LAMA1: variants seen among roughly 807,000 people sequenced by gnomAD.
The protein encoded by LAMA1 is laminin subunit alpha-1.
A neutral mutation model predicts 348.7 loss-of-function variants in LAMA1; 219 were observed. The ratio of observed to expected loss-of-function variants is 0.63; its 90% CI spans 0.56 to 0.70. The LOEUF is 0.70. LAMA1 is among the 30% of genes least tolerant of loss of function. LAMA1 has a pLI of 0.00. For synonymous variants in LAMA1, 1,487 were observed against 1,491.0 expected (o/e 1.00, Z 0.06); for missense variants, 3,744 against 3,888.0 (o/e 0.96, Z 0.99).
In LAMA1 at chr18:6,955,325, C is replaced by T. The variant is rs370388754; in HGVS notation, c.8207+28G>A. ...CCCCATACATCTAGCAATGAGACGC[C>T]GCATAAGGATGTTAGAATGATACCT... is the stretch of plus-strand genomic sequence containing the variant. On this transcript the variant is annotated intron_variant, in intron 57 of 62. Transcript: ENST00000389658. The T allele has an allele frequency of 1.6e-5, 25 of 1,545,892 alleles. No homozygotes were observed. In the African/African-American group the frequency reaches 1.9e-4, roughly 12 times the overall value.
intron 34 of LAMA1, 88 bp downstream of exon 34, chr18:6,995,269 A>G (rs2057776078): frequency 4.6e-6 from 4 of 865,566 alleles, no homozygotes; most frequent in Admixed American, 1.7e-5. Context: ...ATCTAATCAG[A>G]ACCTTCCAGA....
At chr18:6,956,535 T>C in intron 56 of LAMA1, 101 bp downstream of exon 56, 2 of 1,566,348 alleles carry the variant, frequency 1.3e-6, no homozygotes, top group Non-Finnish European at 1.7e-6. Context: ...AGCTCCAGCT[T>C]TCGCAGGCAC....
At position 7,015,830 on chromosome 18, in the gene LAMA1, G is replaced by A; in HGVS notation, c.3018C>T (p.Thr1006=). Residue 1006 remains threonine, a synonymous_variant, in exon 22 of 63, where the codon ACC becomes ACT. Coordinates refer to ENST00000389658, the MANE Select transcript of LAMA1 (RefSeq NM_005559.4). Reference sequence around the variant, plus strand: ...CACACTCTCCAGTTTCTGGGTCGCAGGTATTCTGAGTGTGTGGGCAGTCAC... The same window carrying A: ...CACACTCTCCAGTTTCTGGGTCGCAAGTATTCTGAGTGTGTGGGCAGTCAC... The part of the protein sequence containing the change: ...TPCDCPHTQN[T]CDPETGECVC... 1 of 1,614,162 alleles carries A rather than the reference G, an allele frequency of 6.2e-7. No individual in the cohort carries two copies. Among genetic ancestry groups the A allele is most frequent in the Non-Finnish European group, 8.5e-7 (1 of 1,180,024 alleles).
chr18:7,012,068 A>G lies in LAMA1; in HGVS notation c.3434T>C (p.Leu1145Pro), dbSNP rs371362853. ...GTFALRADNP[L>P]GCSPCFCSGL... ...GGAGCAGAAGCACGGGCTGCAGCCC[A>G]GGGGGTTGTCTGCGCGGAGAGCGAA... Residue 1145 changes from leucine to proline, a missense_variant, in exon 24 of 63, where the codon CTG becomes CCG. By Grantham distance (98) the Leu-to-Pro change is moderately conservative. Coordinates refer to ENST00000389658, the MANE Select transcript of LAMA1 (RefSeq NM_005559.4). 5 of 1,612,988 alleles carry G rather than the reference A, an allele frequency of 3.1e-6. No individual in the cohort carries two copies. The highest frequency in any genetic ancestry group is 1.3e-5 in the African/African-American group (1 of 74,920).
At position 7,098,896 on chromosome 18, in the gene LAMA1, G is replaced by A. The variant is rs1317859003; in HGVS notation, c.62-18439C>T. Among the ~76,000 whole-genome samples the A allele has an allele frequency of 7.0e-5, 10 of 142,516 alleles. No individual in the cohort carries two copies. The East Asian group carries it at 8.8e-4, about 12-fold the overall frequency. 93.5% of individuals were successfully genotyped at this position (142,516 alleles called of 152,430 possible). A position where few individuals can be genotyped will look rare whatever the true frequency, so the allele number is the denominator to read the frequency against. On this transcript the variant is annotated intron_variant, in intron 1 of 62. Transcript: ENST00000389658. Reference sequence around the variant, plus strand: ...CCGCCCCGTCCGGGAGGTGAGGGGCGCCTCTGCCCGGCCGCCCCTACTGGG... The same window carrying A: ...CCGCCCCGTCCGGGAGGTGAGGGGCACCTCTGCCCGGCCGCCCCTACTGGG...
chr18:7,040,781 T>TA (rs1458763982), intron 9 of LAMA1, among the ~76,000 whole-genome samples: 5 of 152,206 alleles, frequency 3.3e-5, no homozygotes, highest in Admixed American at 2.6e-4. Context: ...TGAAACATGG[T>TA]ATGTCCATAC....
At chr18:6,951,400 C>T (rs1221672121) in intron 57 of LAMA1, among the ~76,000 whole-genome samples, 1 of 152,170 alleles carries the variant, frequency 6.6e-6, no homozygotes, top group African/African-American at 2.4e-5. Context: ...AGGAAGCCCA[C>T]CTGAGGCCGT....
At chr18:7,041,516 G>A (rs1228226188) in intron 9 of LAMA1, among the ~76,000 whole-genome samples, 1 of 152,176 alleles carries the variant, frequency 6.6e-6, no homozygotes, top group Non-Finnish European at 1.5e-5. Context: ...GCCAGTGGCT[G>A]AGAACTTGAT....
At chr18:7,088,157 C>CCTCAG (rs1431660815) in intron 1 of LAMA1, among the ~76,000 whole-genome samples, 1 of 152,186 alleles carries the variant, frequency 6.6e-6, no homozygotes, top group Non-Finnish European at 1.5e-5. Context: ...GAAAGGCTGA[C>CCTCAG]CTCAGCTCAG....
chr18:6,959,422 A>G lies in LAMA1; in HGVS notation c.7697T>C (p.Leu2566Pro), dbSNP rs1040212332. The G allele has an allele frequency of 6.2e-7, 1 of 1,614,214 alleles. No individual in the cohort carries two copies. The change falls in exon 54 of 63, where the codon CTG becomes CCG. Residue 2566 changes from leucine (L) to proline (P), a missense_variant. Physicochemically the swap from Leu to Pro is moderately conservative, Grantham distance 98. Transcript: ENST00000389658. ...VHVNPGDGTG[L>P]RKALLHAPTG... ...GGGAGCGTGCAGGAGAGCTTTTCTC[A>G]GGCCTGTCCCATCCCCAGGATTGAC... is the stretch of plus-strand genomic sequence containing the variant.
chr18:7,026,070 G>A lies in LAMA1; in HGVS notation c.2311C>T (p.Gln771Ter), dbSNP rs1366762847. The A allele has an allele frequency of 1.2e-6, 2 of 1,611,372 alleles. No individual in the cohort carries two copies. Among genetic ancestry groups the A allele is most frequent in the Non-Finnish European group, 1.7e-6 (2 of 1,178,628 alleles). ...AHNTTGVHCE[Q>*]CLPGFYGEPS... ...TCCCCGTAGAAGCCGGGCAAGCACT[G>A]CTCACAGTGGACGCCGGTGGTGTTG... is the stretch of plus-strand genomic sequence containing the variant. Residue 771 changes from glutamine (Q) to a stop codon, truncating the protein, a stop_gained, in exon 17 of 63, where the codon CAG (glutamine) becomes TAG (stop). Transcript: ENST00000389658. LOFTEE classifies it high-confidence loss of function.
chr18:7,032,572 G>C (rs1264239186), intron 15 of LAMA1, among the ~76,000 whole-genome samples: 5 of 152,244 alleles, frequency 3.3e-5, no homozygotes, highest in Admixed American at 6.5e-5. Context: ...ATGTAAGGTG[G>C]AGCCCACCAA....
At chr18:7,117,569 C>T (rs897079369) in intron 1 of LAMA1, 91 bp downstream of exon 1, 281 of 1,381,988 alleles carry the variant, frequency 2.0e-4, no homozygotes, top group Non-Finnish European at 2.4e-4. Context: ...GCCCGGACTC[C>T]AGCAGCCCCA....
rs973678608 is a variant in LAMA1, at chr18:6,969,225, C to T, written c.6899+2632G>A. ...CAAGTGCTCCTCCTACCTCAGCCTC[C>T]GGAGTAGCTGGGACTACAGGCGCAC... On this transcript the variant is annotated intron_variant, in intron 48 of 62. Transcript: ENST00000389658. Among the ~76,000 whole-genome samples the T allele has an allele frequency of 5.9e-5, 9 of 152,038 alleles. No individual in the cohort carries two copies. The South Asian group carries it at 1.0e-3, about 18-fold the overall frequency.
chr18:7,090,764 C>T (rs1001386283), intron 1 of LAMA1, among the ~76,000 whole-genome samples: 23 of 151,976 alleles, frequency 1.5e-4, no homozygotes, highest in African/African-American at 5.6e-4. Context: ...CCCATACAAA[C>T]AGTGAGAGAA....
chr18:6,969,075 T>G (rs1264759779), intron 48 of LAMA1, among the ~76,000 whole-genome samples: 1 of 152,044 alleles, frequency 6.6e-6, no homozygotes, highest in Non-Finnish European at 1.5e-5. Context: ...AGACGTAAAG[T>G]GCCAGTCTGT....
In LAMA1 at chr18:7,052,519, G is replaced by C. The variant is rs571236592; in HGVS notation, c.346-1583C>G. 3.0e-4 allele frequency among the ~76,000 whole-genome samples: 45 copies of C among 151,496 alleles called. 1 individual carries two copies. In the South Asian group the frequency reaches 9.4e-3, roughly 32 times the overall value. On this transcript the variant is annotated intron_variant, in intron 3 of 62. Transcript: ENST00000389658. ...AGGCAGGCAGATCAGCTGAGGTCAG[G>C]AGTTCGAGACCAGCCTGACCAACAC...
chr18:7,077,420 T>G (rs2058173840), intron 3 of LAMA1, among the ~76,000 whole-genome samples: 1 of 152,124 alleles, frequency 6.6e-6, no homozygotes, highest in Non-Finnish European at 1.5e-5. Context: ...TTAGCCAGGA[T>G]GGTCTCGATC....
intron 1 of LAMA1, among the ~76,000 whole-genome samples, chr18:7,082,458 T>G (rs2058196849): frequency 6.6e-6 from 1 of 152,216 alleles, no homozygotes; most frequent in Non-Finnish European, 1.5e-5. Context: ...ATTATTTTCA[T>G]CAACCAGTAG....
Sources: gnomAD v4.1 joint callset for allele counts (sites outside exome capture counted in the v4.1 genomes callset) on GRCh38, gnomAD v4.1.1 for gene constraint, MANE v1.5 for transcripts, NCBI Gene and HGNC (gene_info 2026-07-23, HGNC 2026-07-21) for gene names.